ITPK1: variants seen among roughly 807,000 people sequenced by gnomAD.
ITPK1 encodes inositol 1,3,4-trisphosphate 5/6-kinase.
In ITPK1, 21 loss-of-function variants were observed where a neutral mutation model predicts 45.3. That is an observed-to-expected ratio of 0.46 (90% CI 0.33 to 0.67). The LOEUF is 0.67. Ranked by LOEUF, ITPK1 falls within the 30% of genes least tolerant of loss-of-function variation. The pLI is 0.02. For synonymous variants in ITPK1, 258 were observed against 253.6 expected, an observed-to-expected ratio of 1.02 and a Z score of -0.16; for missense variants, 474 against 573.5, an observed-to-expected ratio of 0.83 and a Z score of 1.77.
At chr14:93,029,407 T>C (rs766104346) in intron 3 of ITPK1, among the ~76,000 whole-genome samples, 15 of 152,058 alleles carry the variant, frequency 9.9e-5, no homozygotes, top group Non-Finnish European at 2.2e-4. Context: ...AATTCCACGA[T>C]GTCCCAAGCA....
chr14:92,942,078 C>G (rs1263413357), intron 10 of ITPK1, among the ~76,000 whole-genome samples, 174 bp from the exon 11 acceptor site: 2 of 152,140 alleles, frequency 1.3e-5, no homozygotes, highest in African/African-American at 4.8e-5. Context: ...TGAGGGGAGT[C>G]AAAAAGCTTG....
chr14:93,013,860 A>G (rs1196346620), intron 4 of ITPK1, among the ~76,000 whole-genome samples: 2 of 152,172 alleles, frequency 1.3e-5, no homozygotes, highest in East Asian at 3.9e-4. Context: ...CTGGCTCTGA[A>G]CTTGCATCTT....
At chr14:93,022,300 T>C (rs1471420806) in intron 3 of ITPK1, among the ~76,000 whole-genome samples, 1 of 152,112 alleles carries the variant, frequency 6.6e-6, no homozygotes, top group African/African-American at 2.4e-5. Context: ...TGACAACATA[T>C]TGACAAGAGA....
chr14:93,097,693 C>T (rs1275148765), intron 2 of ITPK1, among the ~76,000 whole-genome samples: 1 of 152,222 alleles, frequency 6.6e-6, no homozygotes. Context: ...CCCAATGCAG[C>T]TGTACCTACA....
intron 3 of ITPK1, among the ~76,000 whole-genome samples, chr14:93,051,705 A>G (rs1345435810): frequency 2.0e-5 from 3 of 152,092 alleles, no homozygotes; most frequent in Admixed American, 6.5e-5. Flanking sequence ...CCTTCAAGGA[A>G]CCCCTAGGGG....
chr14:92,941,301 G>A lies in ITPK1; in HGVS notation c.*260C>T, dbSNP rs758575033. On this transcript the variant is annotated 3_prime_UTR_variant, in exon 11 of 11. Coordinates refer to ENST00000267615, the MANE Select transcript of ITPK1 (RefSeq NM_014216.6). ...CAGACCTAGTGTTGCAAACACAAGC[G>A]TGTGTAAACTCAGTTAGGAGGTCTG... The A allele has an allele frequency of 3.9e-5, 54 of 1,397,840 alleles. No individual in the cohort carries two copies. The highest frequency in any genetic ancestry group is 4.9e-5 in the South Asian group (3 of 60,886). 86.6% of individuals were successfully genotyped at this position (1,397,840 alleles called of 1,614,324 possible).
At chr14:93,056,551 C>T (rs1475855917) in intron 3 of ITPK1, among the ~76,000 whole-genome samples, 1 of 152,138 alleles carries the variant, frequency 6.6e-6, no homozygotes, top group Non-Finnish European at 1.5e-5. Context: ...GGAAGAGGGA[C>T]CAAGAGGGGT....
At chr14:93,094,315 A>G (rs757994144) in intron 2 of ITPK1, among the ~76,000 whole-genome samples, 2 of 152,076 alleles carry the variant, frequency 1.3e-5, no homozygotes, top group Admixed American at 1.3e-4. Flanking sequence ...CACCGTCGGT[A>G]TGGGCTTTTC....
chr14:93,048,437 T>C (rs111636669), intron 3 of ITPK1, among the ~76,000 whole-genome samples: 243 of 152,018 alleles, frequency 1.6e-3, no homozygotes, highest in African/African-American at 5.8e-3. Context: ...TAGGAGGGAG[T>C]GGAGTCTCCA....
intron 2 of ITPK1, among the ~76,000 whole-genome samples, chr14:93,097,407 G>C (rs1892121885): frequency 6.6e-6 from 1 of 152,166 alleles, no homozygotes; most frequent in African/African-American, 2.4e-5. Context: ...CCAAGAAGGA[G>C]GCCAGGTCAT....
intron 3 of ITPK1, among the ~76,000 whole-genome samples, chr14:93,031,323 G>A (rs1435426677): frequency 6.6e-6 from 1 of 152,122 alleles, no homozygotes; most frequent in Non-Finnish European, 1.5e-5. Flanking sequence ...CCTCAGAGTG[G>A]GGGAAGCTGG....
chr14:92,982,219 C>T (rs1042570538), intron 5 of ITPK1, among the ~76,000 whole-genome samples: 3 of 152,210 alleles, frequency 2.0e-5, no homozygotes, highest in East Asian at 1.9e-4. Flanking sequence ...TCCCTGTGGC[C>T]GGGCAACACC....
chr14:92,993,807 C>A, intron 5 of ITPK1, 73 bp downstream of exon 5: 2 of 930,774 alleles, frequency 2.1e-6, no homozygotes, highest in East Asian at 2.4e-5. Context: ...TGTCTCCACA[C>A]CTCAGGCCGT....
intron 5 of ITPK1, among the ~76,000 whole-genome samples, chr14:92,980,818 C>T (rs1886187138): frequency 6.6e-6 from 1 of 152,170 alleles, no homozygotes; most frequent in African/African-American, 2.4e-5. Flanking sequence ...AGCAATTCTC[C>T]TGCCTCAGCC....
At chr14:93,028,335 C>A (rs1888852427) in intron 3 of ITPK1, among the ~76,000 whole-genome samples, 1 of 152,196 alleles carries the variant, frequency 6.6e-6, no homozygotes, top group African/African-American at 2.4e-5. Context: ...GTGACATGAG[C>A]CGGAAACCAA....
At position 93,026,056 on chromosome 14, in the gene ITPK1, A is replaced by T. The variant is rs773395639; in HGVS notation, c.121-9255T>A. ...GAGGTTGAGGCAGGAGGGTGGCTTA[A>T]GCACGGATTGCGCCACTGCACTCCA... On this transcript the variant is annotated intron_variant, in intron 3 of 10. Coordinates refer to ENST00000267615, the MANE Select transcript of ITPK1 (RefSeq NM_014216.6). Among the ~76,000 whole-genome samples, 64 of 152,208 alleles carry T rather than the reference A, an allele frequency of 4.2e-4. 1 individual carries two copies. Among genetic ancestry groups the T allele is most frequent in the Admixed American group, 9.2e-4 (14 of 15,284 alleles).
rs900747493 is a variant in ITPK1 at position 93,012,341 on chromosome 14, G to A, written c.246+4335C>T. On this transcript the variant is annotated intron_variant, in intron 4 of 10. Transcript: ENST00000267615. The surrounding 1 kb of genome is among the most constrained non-coding windows in gnomAD (Gnocchi z 4.9). ...AGAGATGTGTCATTAATCAGCTCAC[G>A]AGGGAGGACATTTCTTGGGAAGGGG... is the stretch of plus-strand genomic sequence containing the variant. Among the ~76,000 whole-genome samples the A allele has an allele frequency of 2.0e-5, 3 of 152,216 alleles. No individual in the cohort carries two copies. The highest frequency in any genetic ancestry group is 4.8e-5 in the African/African-American group (2 of 41,460).
chr14:93,003,938 A>C (rs958580443), intron 4 of ITPK1, among the ~76,000 whole-genome samples: 3 of 152,224 alleles, frequency 2.0e-5, no homozygotes, highest in African/African-American at 7.2e-5. Context: ...TGTGGGCTAG[A>C]ATAATTCATT....
At chr14:93,005,970 C>T (rs914844512) in intron 4 of ITPK1, among the ~76,000 whole-genome samples, 7 of 152,126 alleles carry the variant, frequency 4.6e-5, no homozygotes, top group Non-Finnish European at 7.4e-5. Context: ...GGCTGTGCAG[C>T]GAGGAAGACT....
Sources: gnomAD v4.1 joint callset for allele counts (sites outside exome capture counted in the v4.1 genomes callset) on GRCh38, gnomAD v4.1.1 for gene constraint, Gnocchi (gnomAD v3.1) non-coding constraint, MANE v1.5 for transcripts, NCBI Gene and HGNC (gene_info 2026-07-23, HGNC 2026-07-21) for gene names.